SDHAF3: variants seen among roughly 807,000 people sequenced by gnomAD.
SDHAF3 encodes succinate dehydrogenase complex assembly factor 3.
SDHAF3 carries 18 observed loss-of-function variants against 11.5 expected under a neutral mutation model. The observed-to-expected ratio is 1.56, with a 90% CI of 1.08 to 2.32. SDHAF3 has a LOEUF of 2.32. SDHAF3 is among the 30% of genes most tolerant of loss of function. The pLI is 0.00. For synonymous variants in SDHAF3, 72 were observed against 59.3 expected (o/e 1.21, Z -0.99); for missense variants, 200 against 154.4 (o/e 1.30, Z -1.57).
At chr7:97,137,362 C>T (rs1288525695) in intron 1 of SDHAF3, among the ~76,000 whole-genome samples, 2 of 152,142 alleles carry the variant, frequency 1.3e-5, no homozygotes, top group Non-Finnish European at 2.9e-5. Flanking sequence ...TTGTCCATGA[C>T]CTTAACAAGT....
chr7:97,134,637 A>G (rs1294836720), intron 1 of SDHAF3, among the ~76,000 whole-genome samples: 3 of 151,988 alleles, frequency 2.0e-5, no homozygotes, highest in Admixed American at 6.6e-5. Context: ...AGTAGATATG[A>G]GGTTTCAGTA....
At position 97,167,444 on chromosome 7, in the gene SDHAF3, G is replaced by GT. The variant is rs537427594; in HGVS notation, c.175-13561dup. Reference sequence around the variant, plus strand: ...TTCAAAAATTACCCAGTCTCAGGTAGTTTTTTTAATAGAGAAGTGTGAGAA... The same window carrying GT: ...TTCAAAAATTACCCAGTCTCAGGTAGTTTTTTTTAATAGAGAAGTGTGAGAA... On this transcript the variant is annotated intron_variant, in intron 1 of 1. Coordinates refer to ENST00000432641, the MANE Select transcript of SDHAF3 (RefSeq NM_020186.3). 3.6e-3 allele frequency among the ~76,000 whole-genome samples: 541 copies of GT among 152,212 alleles called. 2 individuals are homozygous for GT. Among genetic ancestry groups the GT allele is most frequent in the Non-Finnish European group, 6.6e-3 (446 of 68,016 alleles).
chr7:97,143,508 TGCATCCTC>T (rs1156709030), intron 1 of SDHAF3, among the ~76,000 whole-genome samples: 6 of 152,194 alleles, frequency 3.9e-5, no homozygotes, highest in Non-Finnish European at 1.5e-5. Context: ...TTATAGCCTT[TGCATCCTC>T]ACAGCTTAGC....
chr7:97,142,042 CTTTTT>C (rs71131003), intron 1 of SDHAF3, among the ~76,000 whole-genome samples: 6 of 61,690 alleles, frequency 9.7e-5, no homozygotes, highest in East Asian at 6.7e-4. Flanking sequence ...GAATTGTTGT[CTTTTT>C]TTTTTTTTTT....
At chr7:97,166,747 G>A (rs1270889811) in intron 1 of SDHAF3, among the ~76,000 whole-genome samples, 1 of 88,286 alleles carries the variant, frequency 1.1e-5, no homozygotes, top group African/African-American at 3.5e-5. Flanking sequence ...GTTAGTTGGC[G>A]GGGGGGGCTT....
chr7:97,179,351 T>C (rs1789735197), intron 1 of SDHAF3, among the ~76,000 whole-genome samples: 1 of 152,228 alleles, frequency 6.6e-6, no homozygotes, highest in Non-Finnish European at 1.5e-5. Context: ...TTTTTAGATT[T>C]TATTTTTTGG....
chr7:97,155,044 G>A (rs1416603932), intron 1 of SDHAF3, among the ~76,000 whole-genome samples: 1 of 152,114 alleles, frequency 6.6e-6, no homozygotes, highest in Non-Finnish European at 1.5e-5. Context: ...ACATCAGAAA[G>A]AGTTACTCCT....
intron 1 of SDHAF3, among the ~76,000 whole-genome samples, chr7:97,160,186 C>T (rs540996382): frequency 1.1e-4 from 13 of 123,290 alleles, no homozygotes; most frequent in Admixed American, 8.0e-4. Context: ...GGCCACCCAT[C>T]GTCTGGGAAG....
chr7:97,158,776 CAGG>C (rs1789349837), intron 1 of SDHAF3, among the ~76,000 whole-genome samples: 1 of 152,188 alleles, frequency 6.6e-6, no homozygotes, highest in South Asian at 2.1e-4. Flanking sequence ...ATAGGACTAA[CAGG>C]AGATTTTTAA....
chr7:97,161,045 C>T (rs1297265007), intron 1 of SDHAF3, among the ~76,000 whole-genome samples: 1 of 152,062 alleles, frequency 6.6e-6, no homozygotes, highest in Non-Finnish European at 1.5e-5. Context: ...CTGTGCTTTG[C>T]ATTGTGATCT....
intron 1 of SDHAF3, among the ~76,000 whole-genome samples, chr7:97,168,809 C>T (rs1419626704): frequency 6.6e-6 from 1 of 152,070 alleles, no homozygotes; most frequent in Non-Finnish European, 1.5e-5. Context: ...TTCTTTTAGC[C>T]TATAAATAAA....
chr7:97,127,123 G>T (rs184464985), intron 1 of SDHAF3, among the ~76,000 whole-genome samples: 111 of 152,274 alleles, frequency 7.3e-4, no homozygotes, highest in Non-Finnish European at 1.4e-3. Flanking sequence ...CCCTCCATGG[G>T]CTGCACCCAC....
At chr7:97,154,595 A>T (rs938899398) in intron 1 of SDHAF3, among the ~76,000 whole-genome samples, 1 of 152,062 alleles carries the variant, frequency 6.6e-6, no homozygotes, top group Non-Finnish European at 1.5e-5. Flanking sequence ...TCCTTTTAAC[A>T]CAGTCTTTTT....
chr7:97,148,730 C>T (rs1212679217), intron 1 of SDHAF3, among the ~76,000 whole-genome samples: 1 of 152,028 alleles, frequency 6.6e-6, no homozygotes, highest in African/African-American at 2.4e-5. Context: ...ACAACTATTG[C>T]TTTACTTTTT....
At chr7:97,174,542 G>T (rs1190924876) in intron 1 of SDHAF3, among the ~76,000 whole-genome samples, 1 of 152,176 alleles carries the variant, frequency 6.6e-6, no homozygotes, top group Non-Finnish European at 1.5e-5. Context: ...AGTCATCAGA[G>T]CTCCTTAGCT....
chr7:97,150,104 A>G (rs1468098562), intron 1 of SDHAF3, among the ~76,000 whole-genome samples: 2 of 152,254 alleles, frequency 1.3e-5, no homozygotes. Context: ...AGTCAGTTAC[A>G]TCTTCAGGCT....
At chr7:97,119,654 C>T (rs557189873) in intron 1 of SDHAF3, among the ~76,000 whole-genome samples, 1 of 152,138 alleles carries the variant, frequency 6.6e-6, no homozygotes, top group African/African-American at 2.4e-5. Flanking sequence ...CACTAATGTC[C>T]TTATTCTGTT....
chr7:97,161,358 G>T (rs1172007347), intron 1 of SDHAF3, among the ~76,000 whole-genome samples: 1 of 152,148 alleles, frequency 6.6e-6, no homozygotes, highest in African/African-American at 2.4e-5. Context: ...TATGGGACTC[G>T]ACTTCACAAT....
At chr7:97,171,661 A>G (rs1789603104) in intron 1 of SDHAF3, among the ~76,000 whole-genome samples, 2 of 152,046 alleles carry the variant, frequency 1.3e-5, no homozygotes, top group Admixed American at 1.3e-4. Context: ...GTTTTAAACC[A>G]TTTGGTTTTA....
Sources: allele counts gnomAD v4.1 joint callset (sites outside exome capture counted in the v4.1 genomes callset), GRCh38; gene constraint gnomAD v4.1.1; transcripts MANE v1.5; gene names NCBI Gene and HGNC (gene_info 2026-07-23, HGNC 2026-07-21).